MAP3K3: variants seen among roughly 807,000 people sequenced by gnomAD.
MAP3K3 encodes MAP/ERK kinase kinase 3.
A neutral mutation model predicts 80.9 loss-of-function variants in MAP3K3; 12 were observed. The ratio of observed to expected loss-of-function variants is 0.15; its 90% CI spans 0.10 to 0.24. The LOEUF is 0.24. Among genes scored for constraint, MAP3K3 ranks in the 10% least tolerant of loss-of-function variants. The pLI is 1.00. For synonymous variants in MAP3K3, 272 were observed against 307.1 expected, an observed-to-expected ratio of 0.89 and a Z score of 1.19; for missense variants, 596 against 834.7, an observed-to-expected ratio of 0.71 and a Z score of 3.52.
chr17:63,637,022 G>A (rs1340596700), intron 2 of MAP3K3: 14 of 573,858 alleles, frequency 2.4e-5, no homozygotes, highest in East Asian at 8.8e-5. Flanking sequence ...GGTGGGGGAC[G>A]ACAAGGTGGG....
In MAP3K3 at chr17:63,666,941, A is replaced by G. The variant is rs1208335913; in HGVS notation, c.383A>G (p.Asn128Ser). 1 of 1,613,138 alleles carries G rather than the reference A, an allele frequency of 6.2e-7. No homozygotes were observed. The highest frequency in any genetic ancestry group is 1.7e-5 in the Admixed American group (1 of 59,710). Residue 128 changes from asparagine (N) to serine (S), a missense_variant and splice_region_variant, in exon 6 of 16, where the codon AAC (asparagine) becomes AGC (serine). This residue lies in a region of MAP3K3 where 232 missense variants were observed against 245.8 expected (regional missense o/e 0.94). Coordinates refer to ENST00000361733, the MANE Select transcript of MAP3K3 (RefSeq NM_002401.5). ...GGCCTTTTTCCTCTTCTTTTACAGA[A>G]CAGTTCCTCTCCCCACTCTGGGGTG... ...ILLLSQDRNHNSSSPHSGVSR... is the reference protein window; with the variant it reads ...ILLLSQDRNHSSSSPHSGVSR...
chr17:63,660,291 C>T (rs1376572544), intron 5 of MAP3K3, among the ~76,000 whole-genome samples: 1 of 152,068 alleles, frequency 6.6e-6, no homozygotes, highest in East Asian at 1.9e-4. Flanking sequence ...GCCTCAACCT[C>T]CCAGACTCAA....
chr17:63,634,733 G>A, intron 2 of MAP3K3: 2 of 1,613,810 alleles, frequency 1.2e-6, no homozygotes, highest in Non-Finnish European at 1.7e-6. Context: ...CAGCAGCTCA[G>A]CCCTTCTGAA....
intron 5 of MAP3K3, among the ~76,000 whole-genome samples, chr17:63,661,644 G>A (rs548237194): frequency 3.3e-5 from 5 of 152,198 alleles, no homozygotes; most frequent in East Asian, 3.9e-4. Context: ...TCATATTCGC[G>A]TTGACAAAAA....
intron 2 of MAP3K3, among the ~76,000 whole-genome samples, chr17:63,639,488 C>T (rs1241552589): frequency 1.3e-5 from 2 of 152,088 alleles, no homozygotes; most frequent in Non-Finnish European, 2.9e-5. Context: ...AGACTTTATT[C>T]CATAGATAAT....
intron 2 of MAP3K3, among the ~76,000 whole-genome samples, chr17:63,644,450 C>T (rs60605800): frequency 0.034 from 5,226 of 152,154 alleles, 319 homozygotes; most frequent in African/African-American, 0.12. Context: ...TCCTGACCTC[C>T]AGTGATCTGC....
At chr17:63,659,131 C>T (rs1351414080) in intron 5 of MAP3K3, among the ~76,000 whole-genome samples, 1 of 152,172 alleles carries the variant, frequency 6.6e-6, no homozygotes, top group East Asian at 1.9e-4. Flanking sequence ...TTTAGCCTTG[C>T]AAAGTGCTGG....
Position 63,693,935 on chromosome 17 carries a change from G to A in MAP3K3, c.*158G>A. The stretch of plus-strand genomic sequence containing the variant: ...GTGCCCCTTCCGCCACTGGGGCTCA[G>A]AGCCGGGGTGGGGTGGCTGCAGCCT... On this transcript the variant is annotated 3_prime_UTR_variant, in exon 16 of 16. Transcript: ENST00000361733. This position sits in a 1 kb window ranked among gnomAD's most constrained non-coding sequence, Gnocchi z 4.2. 1.7e-6 allele frequency: 1 copy of A among 601,050 alleles called. No homozygotes were observed. 37.2% of individuals were successfully genotyped at this position (601,050 alleles called of 1,614,324 possible).
intron 2 of MAP3K3, among the ~76,000 whole-genome samples, chr17:63,645,705 G>C (rs889355095): frequency 6.6e-6 from 1 of 152,232 alleles, no homozygotes; most frequent in Non-Finnish European, 1.5e-5. Context: ...ATCCTGGTCA[G>C]GAGGTGATAG....
chr17:63,652,537 T>C lies in MAP3K3; in HGVS notation c.168-20T>C. ...TTTTAAGTATACAATTAACCAACCT[T>C]TCTTTCTGTTTCTTTTCAGAATTAT... On this transcript the variant is annotated intron_variant, in intron 3 of 15. Coordinates refer to ENST00000361733, the MANE Select transcript of MAP3K3 (RefSeq NM_002401.5). 2 of 1,568,000 alleles carry C rather than the reference T, an allele frequency of 1.3e-6. No individual in the cohort carries two copies. The highest frequency in any genetic ancestry group is 2.2e-5 in the South Asian group (2 of 90,014).
chr17:63,649,317 G>A (rs2034602125), intron 3 of MAP3K3, among the ~76,000 whole-genome samples: 1 of 151,806 alleles, frequency 6.6e-6, no homozygotes, highest in Non-Finnish European at 1.5e-5. Context: ...CACACCTGTA[G>A]TCCCAGCTAC....
intron 5 of MAP3K3, among the ~76,000 whole-genome samples, chr17:63,663,442 C>T (rs1439326413): frequency 2.0e-5 from 3 of 150,822 alleles, no homozygotes; most frequent in Non-Finnish European, 2.9e-5. Context: ...GCGGAGGTTG[C>T]AGTGAGCCGA....
intron 6 of MAP3K3, among the ~76,000 whole-genome samples, chr17:63,680,389 G>A (rs1040714956): frequency 1.3e-5 from 2 of 152,182 alleles, no homozygotes; most frequent in Non-Finnish European, 2.9e-5. Context: ...AGAGTCTTAC[G>A]TTTAAGTTTT....
At chr17:63,677,949 C>T (rs2035253218) in intron 6 of MAP3K3, among the ~76,000 whole-genome samples, 1 of 152,228 alleles carries the variant, frequency 6.6e-6, no homozygotes, top group African/African-American at 2.4e-5. Flanking sequence ...GATGGGATCT[C>T]CATCCTCCAT....
Position 63,690,270 on chromosome 17 carries a change from G to T in MAP3K3, c.1070G>T (p.Ser357Ile), listed in dbSNP as rs546447902. The T allele has an allele frequency of 6.2e-7, 1 of 1,613,836 alleles. No individual in the cohort carries two copies. The highest frequency in any genetic ancestry group is 1.7e-5 in the Admixed American group (1 of 59,978). The change falls in exon 12 of 16, where the codon AGT becomes ATT. Residue 357 changes from serine to isoleucine, a missense_variant. Ser to Ile is a moderately radical substitution (Grantham distance 142). This residue lies in a region of MAP3K3 where 364 missense variants were observed against 588.9 expected (regional missense o/e 0.62). Coordinates refer to ENST00000361733, the MANE Select transcript of MAP3K3 (RefSeq NM_002401.5). ...QERNVPTKSP[S>I]APINWRRGKL... ...TCCTTCTGCTCTCCTGTAGCTCCCA[G>T]TGCCCCCATCAACTGGCGCCGGGGA...
At chr17:63,669,395 T>C (rs1004746937) in intron 6 of MAP3K3, among the ~76,000 whole-genome samples, 1 of 152,124 alleles carries the variant, frequency 6.6e-6, no homozygotes, top group African/African-American at 2.4e-5. Context: ...GCACTCAGAC[T>C]CTTTTGGTAG....
At chr17:63,632,389 G>C (rs977623756) in intron 1 of MAP3K3, among the ~76,000 whole-genome samples, 1 of 152,184 alleles carries the variant, frequency 6.6e-6, no homozygotes, top group African/African-American at 2.4e-5. Flanking sequence ...CTACTCAGGA[G>C]GCTGATGTGG....
chr17:63,683,355 C>T (rs2143570743), intron 7 of MAP3K3, among the ~76,000 whole-genome samples: 1 of 152,300 alleles, frequency 6.6e-6, no homozygotes, highest in East Asian at 1.9e-4. Context: ...ACCATCCTTT[C>T]TGGTTTCTCT....
chr17:63,689,407 T>C lies in MAP3K3; in HGVS notation c.872-137T>C, dbSNP rs779675651. 52 of 680,304 alleles carry C rather than the reference T, an allele frequency of 7.6e-5. No homozygotes were observed. The highest frequency in any genetic ancestry group is 2.5e-4 in the Admixed American group (9 of 36,228). 42.1% of individuals were successfully genotyped at this position (680,304 alleles called of 1,614,324 possible). On this transcript the variant is annotated intron_variant, in intron 10 of 15. Coordinates refer to ENST00000361733, the MANE Select transcript of MAP3K3 (RefSeq NM_002401.5). This position sits in a 1 kb window ranked among gnomAD's most constrained non-coding sequence, Gnocchi z 4.3. ...TGCGGACGGGATGGGCTGGAGCTGG[T>C]ATTATCTATCACTTCTGGCTGAGAC...
Sources: gnomAD v4.1 joint callset for allele counts (sites outside exome capture counted in the v4.1 genomes callset) on GRCh38, gnomAD v4.1.1 for gene constraint, gnomAD v4.1.1 regional missense constraint, Gnocchi (gnomAD v3.1) non-coding constraint, MANE v1.5 for transcripts, NCBI Gene and HGNC (gene_info 2026-07-23, HGNC 2026-07-21) for gene names.